The following VWA8 variants were observed in gnomAD, a reference collection of about 807,000 sequenced individuals.
The protein encoded by VWA8 is von Willebrand factor A domain-containing protein 8.
A neutral mutation model predicts 241.5 loss-of-function variants in VWA8; 221 were observed. The ratio of observed to expected loss-of-function variants is 0.91; its 90% confidence interval spans 0.82 to 1.02. The LOEUF is 1.02. Ranked by LOEUF, VWA8 falls within the 50% of genes least tolerant of loss-of-function variation. The pLI is 0.00. For synonymous variants in VWA8, 852 were observed against 827.1 expected (o/e 1.03, Z -0.52); for missense variants, 2,322 against 2,328.7 (o/e 1.00, Z 0.06).
rs914105778 is a variant in VWA8, at chr13:41,658,424, A to G, written c.4611+12522T>C. On this transcript the variant is annotated intron_variant, in intron 37 of 44. Transcript: ENST00000379310. Reference sequence around the variant, plus strand: ...GGTTTCATCTAAAACCTTCATGCTCAGGATCATTATATAAATATCTCTCTC... The same window carrying G: ...GGTTTCATCTAAAACCTTCATGCTCGGGATCATTATATAAATATCTCTCTC... Among the ~76,000 whole-genome samples, 6 of 152,376 alleles carry G rather than the reference A, an allele frequency of 3.9e-5. No homozygotes were observed. The South Asian group carries it at 1.0e-3, about 26-fold the overall frequency.
At chr13:41,639,066 A>G (rs769793650) in intron 37 of VWA8, among the ~76,000 whole-genome samples, 2 of 152,124 alleles carry the variant, frequency 1.3e-5, no homozygotes, top group Admixed American at 1.3e-4. Flanking sequence ...CAAGACTGGA[A>G]TATTGTCTGA....
In VWA8 at chr13:41,691,307, T is replaced by A; in HGVS notation, c.3866+13A>T. 1.9e-6 allele frequency: 3 copies of A among 1,611,260 alleles called. No individual in the cohort carries two copies. The highest frequency in any genetic ancestry group is 1.3e-5 in the African/African-American group (1 of 74,902). ...ACAACATACTCCATGATACACTATA[T>A]AAAGCCACTCACTGATTTGTTTTGC... On this transcript the variant is annotated intron_variant, in intron 32 of 44. Transcript: ENST00000379310.
intron 17 of VWA8, among the ~76,000 whole-genome samples, chr13:41,810,353 A>G (rs1363759675): frequency 6.6e-6 from 1 of 152,160 alleles, no homozygotes; most frequent in Non-Finnish European, 1.5e-5. Context: ...TATTCACAAT[A>G]GCTAAGATTC....
At chr13:41,642,378 T>C (rs1230503278) in intron 37 of VWA8, among the ~76,000 whole-genome samples, 6 of 151,628 alleles carry the variant, frequency 4.0e-5, no homozygotes, top group Non-Finnish European at 7.4e-5. Flanking sequence ...GCCATCATAG[T>C]GAAACCCTGT....
At chr13:41,779,858 C>T (rs1477853596) in intron 19 of VWA8, among the ~76,000 whole-genome samples, 2 of 152,136 alleles carry the variant, frequency 1.3e-5, no homozygotes, top group Non-Finnish European at 2.9e-5. Context: ...ACTTCATGCC[C>T]TCATTATATC....
chr13:41,728,133 G>A (rs1026875396), intron 23 of VWA8, among the ~76,000 whole-genome samples: 1 of 149,934 alleles, frequency 6.7e-6, no homozygotes, highest in Non-Finnish European at 1.5e-5. Context: ...TTTGAGATGA[G>A]TTTGGAAGAG....
intron 35 of VWA8, among the ~76,000 whole-genome samples, chr13:41,679,669 T>A (rs1300171922): frequency 6.6e-6 from 1 of 152,194 alleles, no homozygotes; most frequent in Non-Finnish European, 1.5e-5. Context: ...AGGAGAGTAG[T>A]CTTTACAGTT....
intron 29 of VWA8, 56 bp from the exon 30 acceptor site, chr13:41,693,028 TTA>T: frequency 3.5e-5 from 44 of 1,239,678 alleles, no homozygotes; most frequent in Admixed American, 9.7e-5. Flanking sequence ...TTTTTTTTTT[TTA>T]AAGCAGCAAC....
At chr13:41,572,848 G>A (rs1593622688) in intron 43 of VWA8, among the ~76,000 whole-genome samples, 2 of 149,624 alleles carry the variant, frequency 1.3e-5, no homozygotes, top group East Asian at 2.0e-4. Context: ...GGTGGCTCAC[G>A]TCTGTGGTCC....
intron 14 of VWA8, among the ~76,000 whole-genome samples, chr13:41,823,579 A>G (rs1194953343): frequency 6.6e-6 from 1 of 152,152 alleles, no homozygotes; most frequent in Non-Finnish European, 1.5e-5. Flanking sequence ...TTTCTCATCA[A>G]AGGAAGGAGT....
At chr13:41,630,391 A>G (rs1373647276) in intron 37 of VWA8, among the ~76,000 whole-genome samples, 2 of 151,648 alleles carry the variant, frequency 1.3e-5, no homozygotes, top group African/African-American at 4.8e-5. Context: ...CTCACCCTCC[A>G]TCTCTCTATA....
chr13:41,710,019 T>C (rs1307946619), intron 26 of VWA8, among the ~76,000 whole-genome samples: 1 of 152,132 alleles, frequency 6.6e-6, no homozygotes, highest in Non-Finnish European at 1.5e-5. Flanking sequence ...TGAGTCTTCG[T>C]CACCTTTATA....
intron 2 of VWA8, among the ~76,000 whole-genome samples, chr13:41,929,671 C>T (rs1877015413): frequency 6.6e-6 from 1 of 152,126 alleles, no homozygotes; most frequent in African/African-American, 2.4e-5. Flanking sequence ...AGGATAGTCT[C>T]TTCAATAAAT....
chr13:41,625,315 T>C (rs2044682457), intron 37 of VWA8, among the ~76,000 whole-genome samples: 2 of 151,470 alleles, frequency 1.3e-5, no homozygotes, highest in South Asian at 4.2e-4. Context: ...TGGGAGAAAA[T>C]TTTCGCAACC....
intron 14 of VWA8, among the ~76,000 whole-genome samples, chr13:41,821,400 G>C (rs1888558): frequency 0.15 from 23,466 of 151,998 alleles, 1,897 homozygotes; most frequent in Non-Finnish European, 0.19. Context: ...CTCCCTAAAG[G>C]CTTCCTTACA....
intron 20 of VWA8, among the ~76,000 whole-genome samples, chr13:41,770,131 A>G (rs2137918291): frequency 6.6e-6 from 1 of 152,226 alleles, no homozygotes; most frequent in Middle Eastern, 3.4e-3. Flanking sequence ...GGAAGGGGAT[A>G]TTGCACTCAG....
intron 41 of VWA8, among the ~76,000 whole-genome samples, chr13:41,589,975 C>T (rs888029983): frequency 1.3e-5 from 2 of 152,222 alleles, no homozygotes; most frequent in Non-Finnish European, 2.9e-5. Flanking sequence ...CACATTAATA[C>T]ATTTGTATGC....
intron 3 of VWA8, among the ~76,000 whole-genome samples, chr13:41,909,340 A>AT (rs1351143631): frequency 1.3e-5 from 2 of 152,318 alleles, no homozygotes; most frequent in East Asian, 3.9e-4. Context: ...GATCATAGGC[A>AT]TGAGCCACCG....
intron 37 of VWA8, among the ~76,000 whole-genome samples, chr13:41,668,120 G>A (rs1269068518): frequency 6.6e-6 from 1 of 152,218 alleles, no homozygotes; most frequent in African/African-American, 2.4e-5. Flanking sequence ...TTAATATACT[G>A]TTTATCTCAA....
Sources: allele counts gnomAD v4.1 joint callset (sites outside exome capture counted in the v4.1 genomes callset), GRCh38; gene constraint gnomAD v4.1.1; transcripts MANE v1.5; gene names NCBI Gene and HGNC (gene_info 2026-07-23, HGNC 2026-07-21).